Variants in GRID2 observed in about 807,000 individuals in gnomAD.
GRID2 encodes glutamate ionotropic receptor delta type subunit 2, also known as glutamate receptor ionotropic, delta-2.
Under a neutral mutation model 114.8 loss-of-function variants are expected in GRID2, and 33 were observed. That is an observed-to-expected ratio of 0.29 (90% confidence interval 0.22 to 0.38). The LOEUF (loss-of-function observed/expected upper bound fraction) is 0.38, where lower values mean the gene tolerates loss of function less well. Among genes scored for constraint, GRID2 ranks in the 10% least tolerant of loss-of-function variants. The pLI, the probability that GRID2 is intolerant of heterozygous loss-of-function variation, is 1.00. For synonymous variants in GRID2, 505 were observed against 449.9 expected, an observed-to-expected ratio of 1.12 and a Z score of -1.55; for missense variants, 1,184 against 1,257.7, an observed-to-expected ratio of 0.94 and a Z score of 0.89.
chr4:93,154,093 C>T (rs1030827003), intron 4 of GRID2, among the ~76,000 whole-genome samples: 2 of 152,110 alleles, frequency 1.3e-5, no homozygotes, highest in Admixed American at 1.3e-4. Context: ...TCTATTCCTT[C>T]ATTGTTACCA....
intron 2 of GRID2, among the ~76,000 whole-genome samples, chr4:92,629,856 A>C (rs566702828): frequency 4.1e-5 from 6 of 147,946 alleles, no homozygotes; most frequent in African/African-American, 1.5e-4. Context: ...AACACAATGA[A>C]AGTAATTATA....
intron 1 of GRID2, among the ~76,000 whole-genome samples, chr4:93,785,667 T>C (rs950046443): frequency 6.6e-6 from 1 of 152,178 alleles, no homozygotes; most frequent in Non-Finnish European, 1.5e-5. Flanking sequence ...AAGAAGCCAT[T>C]GAAGACTTTA....
rs537532168 is a variant in GRID2 at position 92,608,228 on chromosome 4, C to A, written c.244+17942C>A. Among the ~76,000 whole-genome samples the A allele has an allele frequency of 2.6e-5, 4 of 151,844 alleles. No individual in the cohort carries two copies. In the East Asian group the frequency reaches 7.8e-4, roughly 30 times the overall value. ...CCCAACTTCAAGGACACCTCTTTCCCAAACTAGTGGTGCAATAGTGAATTC... is the reference window on the plus strand; with the variant it reads ...CCCAACTTCAAGGACACCTCTTTCCAAAACTAGTGGTGCAATAGTGAATTC... On this transcript the variant is annotated intron_variant, in intron 2 of 15. Coordinates refer to ENST00000282020, the MANE Select transcript of GRID2 (RefSeq NM_001510.4).
intron 4 of GRID2, among the ~76,000 whole-genome samples, chr4:93,206,394 C>A (rs1742783797): frequency 1.3e-5 from 2 of 152,056 alleles, no homozygotes; most frequent in East Asian, 1.9e-4. Flanking sequence ...TATAACAACT[C>A]CTTGATAGTT....
intron 1 of GRID2, among the ~76,000 whole-genome samples, chr4:93,795,880 T>C (rs1734790083): frequency 6.6e-6 from 1 of 152,170 alleles, no homozygotes; most frequent in East Asian, 1.9e-4. Context: ...GGGAAAGCAT[T>C]GAGGAGCGTG....
intron 2 of GRID2, among the ~76,000 whole-genome samples, chr4:92,745,471 A>T (rs1049594646): frequency 1.3e-5 from 2 of 152,188 alleles, no homozygotes; most frequent in African/African-American, 4.8e-5. Context: ...ACTGTTTAAC[A>T]TGCTACTTAC....
At chr4:93,799,034 TC>T (rs1275307088) in intron 1 of GRID2, among the ~76,000 whole-genome samples, 2 of 152,196 alleles carry the variant, frequency 1.3e-5, no homozygotes, top group African/African-American at 4.8e-5. Flanking sequence ...TCTCAGCTCT[TC>T]CACTGCTTAG....
chr4:92,625,438 AAG>A (rs1730472000), intron 2 of GRID2, among the ~76,000 whole-genome samples: 1 of 151,780 alleles, frequency 6.6e-6, no homozygotes, highest in African/African-American at 2.4e-5. Flanking sequence ...CAAAAGTAGA[AAG>A]AGAGTCTTCA....
intron 2 of GRID2, among the ~76,000 whole-genome samples, chr4:93,070,259 A>C (rs896636437): frequency 6.6e-6 from 1 of 152,102 alleles, no homozygotes; most frequent in Non-Finnish European, 1.5e-5. Context: ...TGCTGCTAGC[A>C]GGGGCCAAGC....
At chr4:93,465,204 G>A (rs1236772943) in intron 11 of GRID2, among the ~76,000 whole-genome samples, 1 of 152,098 alleles carries the variant, frequency 6.6e-6, no homozygotes, top group East Asian at 1.9e-4. Flanking sequence ...TACTGCAACT[G>A]GGTCAAATAC....
At chr4:92,608,266 C>T (rs894303800) in intron 2 of GRID2, among the ~76,000 whole-genome samples, 1 of 151,704 alleles carries the variant, frequency 6.6e-6, no homozygotes, top group East Asian at 1.9e-4. Context: ...CATGGAAAGA[C>T]TCATGATTCA....
intron 7 of GRID2, among the ~76,000 whole-genome samples, 196 bp downstream of exon 7, chr4:93,224,971 A>G (rs549639581): frequency 6.6e-6 from 1 of 152,260 alleles, no homozygotes; most frequent in South Asian, 2.1e-4. Context: ...TTTATTTATA[A>G]GGGAGTTTTA....
intron 13 of GRID2, among the ~76,000 whole-genome samples, chr4:93,578,983 G>A (rs2149591066): frequency 6.6e-6 from 1 of 152,250 alleles, no homozygotes; most frequent in Admixed American, 6.5e-5. Flanking sequence ...TCTTTATGAA[G>A]GACTTCGTAG....
chr4:93,215,322 C>A (rs1179198283), intron 5 of GRID2, among the ~76,000 whole-genome samples: 1 of 151,926 alleles, frequency 6.6e-6, no homozygotes, highest in African/African-American at 2.4e-5. Flanking sequence ...CTGTCTGTAT[C>A]ATTTGGAATT....
chr4:93,051,592 C>T (rs549269153), intron 2 of GRID2, among the ~76,000 whole-genome samples: 87 of 152,088 alleles, frequency 5.7e-4, no homozygotes, highest in African/African-American at 2.0e-3. Context: ...TCTGAGATCG[C>T]TGAAGAAGCT....
intron 11 of GRID2, among the ~76,000 whole-genome samples, chr4:93,460,997 A>T (rs759497054): frequency 3.9e-5 from 6 of 152,176 alleles, no homozygotes; most frequent in Non-Finnish European, 7.4e-5. Flanking sequence ...CCAAATTTCA[A>T]TAAGTTTTGG....
intron 9 of GRID2, among the ~76,000 whole-genome samples, chr4:93,407,739 C>CTCCTCG (rs1560588450): frequency 6.4e-5 from 8 of 125,968 alleles, no homozygotes; most frequent in African/African-American, 2.7e-4. Context: ...CCTCCTCCTC[C>CTCCTCG]TCCTCCTCCT....
At chr4:92,740,758 A>G (rs987816904) in intron 2 of GRID2, among the ~76,000 whole-genome samples, 2 of 138,156 alleles carry the variant, frequency 1.4e-5, no homozygotes, top group South Asian at 2.2e-4. Flanking sequence ...ATAGATAGAC[A>G]GATAGATAGA....
At chr4:92,848,283 C>T (rs1050405313) in intron 2 of GRID2, among the ~76,000 whole-genome samples, 1 of 150,730 alleles carries the variant, frequency 6.6e-6, no homozygotes, top group African/African-American at 2.4e-5. Flanking sequence ...TAGTTTTAGG[C>T]TTGACTTAAT....
Sources: allele counts gnomAD v4.1 joint callset (sites outside exome capture counted in the v4.1 genomes callset), GRCh38; gene constraint gnomAD v4.1.1; transcripts MANE v1.5; gene names NCBI Gene and HGNC (gene_info 2026-07-23, HGNC 2026-07-21).